The following HS6ST3 variants were observed in gnomAD, a reference collection of about 807,000 sequenced individuals.
HS6ST3 encodes heparan sulfate 6-O-sulfotransferase 3, also known as heparan-sulfate 6-O-sulfotransferase 3.
HS6ST3 carries 12 observed loss-of-function variants against 36.7 expected under a neutral mutation model. The ratio of observed to expected loss-of-function variants is 0.33; its 90% CI spans 0.21 to 0.53. HS6ST3 has a LOEUF of 0.53. HS6ST3 is among the 20% of genes least tolerant of loss of function. HS6ST3 has a pLI of 0.95. For missense variants in HS6ST3, 584 were observed against 640.9 expected, an observed-to-expected ratio of 0.91 and a Z score of 0.96; for synonymous variants, 240 against 257.5, an observed-to-expected ratio of 0.93 and a Z score of 0.65.
chr13:96,638,050 C>T (rs2056556026), intron 1 of HS6ST3, among the ~76,000 whole-genome samples: 1 of 152,126 alleles, frequency 6.6e-6, no homozygotes, highest in Admixed American at 6.6e-5. Context: ...TTCATTCCCT[C>T]ATGTGACCAA....
intron 1 of HS6ST3, among the ~76,000 whole-genome samples, chr13:96,192,421 CT>C (rs2054292702): frequency 2.6e-5 from 4 of 152,060 alleles, no homozygotes; most frequent in Admixed American, 2.6e-4. Flanking sequence ...CCAATAGACG[CT>C]TTTTCAACCT....
chr13:96,251,764 T>G (rs569449796), intron 1 of HS6ST3, among the ~76,000 whole-genome samples: 1 of 152,290 alleles, frequency 6.6e-6, no homozygotes, highest in South Asian at 2.1e-4. Flanking sequence ...TTATTTTCAT[T>G]TATCTCAAGA....
chr13:96,507,826 T>G (rs147469398), intron 1 of HS6ST3, among the ~76,000 whole-genome samples: 136 of 152,198 alleles, frequency 8.9e-4, no homozygotes, highest in Middle Eastern at 3.4e-3. Flanking sequence ...TTAGAATGTA[T>G]TATACCATAC....
chr13:96,825,750 A>G (rs1404746432), intron 1 of HS6ST3, among the ~76,000 whole-genome samples: 1 of 152,222 alleles, frequency 6.6e-6, no homozygotes. Flanking sequence ...CCCTCCTTCC[A>G]TTCATTGACT....
intron 1 of HS6ST3, among the ~76,000 whole-genome samples, chr13:96,652,554 A>G (rs2056611133): frequency 1.3e-5 from 2 of 152,142 alleles, no homozygotes; most frequent in South Asian, 4.1e-4. Context: ...GGTATTTAAA[A>G]TAACCATCAT....
In HS6ST3 at chr13:96,732,967, A is replaced by G. The variant is rs140648036; in HGVS notation, c.708-99523A>G. Reference sequence around the variant, plus strand: ...GCTGTTAGTGTATAGAAATACTATTAATTTTGTATGTTGATTTTATATCCT... The same window carrying G: ...GCTGTTAGTGTATAGAAATACTATTGATTTTGTATGTTGATTTTATATCCT... On this transcript the variant is annotated intron_variant, in intron 1 of 1. Coordinates refer to ENST00000376705, the MANE Select transcript of HS6ST3 (RefSeq NM_153456.4). Among the ~76,000 whole-genome samples the G allele has an allele frequency of 1.7e-3, 266 of 152,262 alleles. 4 individuals are homozygous for G. The highest frequency in any genetic ancestry group is 0.015 in the Admixed American group (227 of 15,294).
intron 1 of HS6ST3, among the ~76,000 whole-genome samples, chr13:96,367,092 T>C (rs1410494548): frequency 6.6e-6 from 1 of 152,200 alleles, no homozygotes; most frequent in Non-Finnish European, 1.5e-5. Flanking sequence ...AACAGACTAA[T>C]ATGGTCTCTA....
At chr13:96,826,354 A>G (rs1184764239) in intron 1 of HS6ST3, among the ~76,000 whole-genome samples, 2 of 152,210 alleles carry the variant, frequency 1.3e-5, no homozygotes, top group Non-Finnish European at 2.9e-5. Flanking sequence ...ATCAAAGGCA[A>G]TATTAGACTT....
intron 1 of HS6ST3, among the ~76,000 whole-genome samples, chr13:96,284,696 C>T (rs1443749179): frequency 6.6e-6 from 1 of 152,102 alleles, no homozygotes; most frequent in Non-Finnish European, 1.5e-5. Context: ...TAATATTAAC[C>T]ATCACAGGTT....
intron 1 of HS6ST3, among the ~76,000 whole-genome samples, chr13:96,581,909 G>A (rs922574380): frequency 1.3e-5 from 2 of 152,118 alleles, no homozygotes. Context: ...CTCCAGTGCT[G>A]GCTGGGAAGG....
At chr13:96,530,950 C>T (rs555885842) in intron 1 of HS6ST3, among the ~76,000 whole-genome samples, 1 of 152,312 alleles carries the variant, frequency 6.6e-6, no homozygotes, top group Admixed American at 6.5e-5. Context: ...ACAAGTTTCA[C>T]ATGAGTACTG....
intron 1 of HS6ST3, chr13:96,169,792 C>A (rs558531931): frequency 6.6e-6 from 1 of 152,332 alleles, no homozygotes; most frequent in South Asian, 2.1e-4. Context: ...TAGTAGGATA[C>A]ACCTGTGAAT....
At chr13:96,754,262 T>A (rs1876770941) in intron 1 of HS6ST3, among the ~76,000 whole-genome samples, 1 of 152,214 alleles carries the variant, frequency 6.6e-6, no homozygotes, top group Non-Finnish European at 1.5e-5. Context: ...AGAAGATTTA[T>A]TATTTTTTCT....
chr13:96,626,138 G>A (rs745769410), intron 1 of HS6ST3, among the ~76,000 whole-genome samples: 7 of 152,116 alleles, frequency 4.6e-5, no homozygotes, highest in African/African-American at 1.2e-4. Context: ...CACATCGCCC[G>A]GCCTGTAAAG....
chr13:96,814,869 G>C (rs531221417), intron 1 of HS6ST3, among the ~76,000 whole-genome samples: 1 of 152,188 alleles, frequency 6.6e-6, no homozygotes, highest in East Asian at 1.9e-4. Context: ...ATAATGGATA[G>C]TCATCAGGAT....
At chr13:96,573,447 T>G (rs2056308233) in intron 1 of HS6ST3, among the ~76,000 whole-genome samples, 3 of 152,060 alleles carry the variant, frequency 2.0e-5, no homozygotes, top group Admixed American at 1.3e-4. Flanking sequence ...AGAGGTCCTG[T>G]CCCTGCAAGA....
chr13:96,218,302 T>C (rs1287757548), intron 1 of HS6ST3, among the ~76,000 whole-genome samples: 2 of 152,034 alleles, frequency 1.3e-5, no homozygotes, highest in East Asian at 3.9e-4. Flanking sequence ...CCTCTCTCCC[T>C]CTAGTTGCCT....
chr13:96,760,000 T>G (rs1876925756), intron 1 of HS6ST3, among the ~76,000 whole-genome samples: 1 of 152,026 alleles, frequency 6.6e-6, no homozygotes, highest in South Asian at 2.1e-4. Context: ...TGTTTTTTTT[T>G]GCTGTTGTTG....
intron 1 of HS6ST3, among the ~76,000 whole-genome samples, chr13:96,677,871 T>C (rs1260089991): frequency 6.6e-6 from 1 of 152,198 alleles, no homozygotes; most frequent in Non-Finnish European, 1.5e-5. Flanking sequence ...TGTTTCATAA[T>C]GAGTTGTTTA....
Sources: gnomAD v4.1 joint callset for allele counts (sites outside exome capture counted in the v4.1 genomes callset) on GRCh38, gnomAD v4.1.1 for gene constraint, MANE v1.5 for transcripts, NCBI Gene and HGNC (gene_info 2026-07-23, HGNC 2026-07-21) for gene names.